Variants in ZNF804B observed in about 807,000 individuals in gnomAD.
The protein encoded by ZNF804B is zinc finger protein 804B, also known as zinc finger 804B.
In ZNF804B, 80 loss-of-function variants were observed where a neutral mutation model predicts 101.4. That is an observed-to-expected ratio of 0.79 (90% CI 0.66 to 0.95). The LOEUF (loss-of-function observed/expected upper bound fraction) is 0.95. Ranked by LOEUF, ZNF804B falls within the 40% of genes least tolerant of loss-of-function variation. The pLI is 0.00. For missense variants in ZNF804B, 1,673 were observed against 1,561.9 expected, an observed-to-expected ratio of 1.07 and a Z score of -1.20; for synonymous variants, 622 against 558.8, an observed-to-expected ratio of 1.11 and a Z score of -1.59.
At chr7:89,119,375 A>C (rs183487699) in intron 1 of ZNF804B, among the ~76,000 whole-genome samples, 50 of 152,286 alleles carry the variant, frequency 3.3e-4, no homozygotes, top group African/African-American at 1.2e-3. Context: ...TTCAAGATAA[A>C]AATGTTATTC....
chr7:88,813,279 T>G (rs979607158), intron 1 of ZNF804B, among the ~76,000 whole-genome samples: 49 of 151,606 alleles, frequency 3.2e-4, no homozygotes, highest in South Asian at 4.2e-4. Flanking sequence ...TACAAAAAAT[T>G]AGCCAGGCGT....
At chr7:89,112,722 TTAA>T (rs77889586) in intron 1 of ZNF804B, among the ~76,000 whole-genome samples, 39,757 of 151,982 alleles carry the variant, frequency 0.26, 5,571 homozygotes, top group Non-Finnish European at 0.32. Context: ...AATTGACATC[TTAA>T]TAATATTGAG....
intron 1 of ZNF804B, among the ~76,000 whole-genome samples, chr7:89,017,072 C>A (rs1231416757): frequency 1.3e-5 from 2 of 152,040 alleles, no homozygotes; most frequent in African/African-American, 4.8e-5. Context: ...AGTTAGATTC[C>A]TAGGTATTTT....
At chr7:89,044,514 A>G (rs1789072058) in intron 1 of ZNF804B, among the ~76,000 whole-genome samples, 1 of 152,166 alleles carries the variant, frequency 6.6e-6, no homozygotes. Flanking sequence ...TTACAAGAAG[A>G]TAAGAAAATA....
intron 1 of ZNF804B, among the ~76,000 whole-genome samples, chr7:89,199,413 C>T (rs533750370): frequency 6.6e-6 from 1 of 151,922 alleles, no homozygotes; most frequent in East Asian, 1.9e-4. Flanking sequence ...CTGTTAAAAT[C>T]TGAAAAAGAC....
intron 1 of ZNF804B, among the ~76,000 whole-genome samples, chr7:89,168,222 A>G (rs1279655971): frequency 6.6e-6 from 1 of 152,054 alleles, no homozygotes; most frequent in East Asian, 1.9e-4. Flanking sequence ...TTCAGTAGTA[A>G]CTCCTGTTAA....
rs540913592 is a variant in ZNF804B at position 88,763,741 on chromosome 7, T to C, written c.108+3657T>C. 2.1e-5 allele frequency among the ~76,000 whole-genome samples: 3 copies of C among 142,974 alleles called. No homozygotes were observed. The East Asian group carries it at 6.2e-4, about 30-fold the overall frequency. The allele number at this position is 142,974 out of a possible 152,430, so 93.8% of individuals were successfully genotyped here. On this transcript the variant is annotated intron_variant, in intron 1 of 3. Coordinates refer to ENST00000333190, the MANE Select transcript of ZNF804B (RefSeq NM_181646.5). ...AAAATCATTATGAGATACACATATA[T>C]ACATTATAGACAGAAAAATAGATAG...
At chr7:89,117,342 A>G (rs914722066) in intron 1 of ZNF804B, among the ~76,000 whole-genome samples, 3 of 152,250 alleles carry the variant, frequency 2.0e-5, no homozygotes, top group African/African-American at 7.2e-5. Context: ...AGAAAACTAT[A>G]GTAGCAACTG....
At chr7:88,842,961 CATA>C (rs756124698) in intron 1 of ZNF804B, among the ~76,000 whole-genome samples, 91 of 151,984 alleles carry the variant, frequency 6.0e-4, no homozygotes, top group Non-Finnish European at 5.7e-4. Context: ...GAAATATGTT[CATA>C]ATAATTTCTA....
chr7:89,021,333 AG>A (rs757618212), intron 1 of ZNF804B, among the ~76,000 whole-genome samples: 28 of 152,174 alleles, frequency 1.8e-4, no homozygotes, highest in Non-Finnish European at 3.7e-4. Context: ...TCTCAGGCCA[AG>A]GGTACAAACA....
chr7:88,969,740 A>T (rs1056645852), intron 1 of ZNF804B, among the ~76,000 whole-genome samples: 1 of 151,652 alleles, frequency 6.6e-6, no homozygotes, highest in African/African-American at 2.4e-5. Flanking sequence ...TGCTATATAC[A>T]TGATTGCTTA....
At chr7:89,103,075 T>TG (rs1562885499) in intron 1 of ZNF804B, among the ~76,000 whole-genome samples, 8 of 136,224 alleles carry the variant, frequency 5.9e-5, no homozygotes, top group African/African-American at 2.0e-4. Flanking sequence ...TTTTTTTTTT[T>TG]TTTTTTTTAC....
At position 89,291,937 on chromosome 7, in the gene ZNF804B, A is replaced by G. The variant is rs1790298064; in HGVS notation, c.250-35407A>G. On this transcript the variant is annotated intron_variant, in intron 2 of 3. Coordinates refer to ENST00000333190, the MANE Select transcript of ZNF804B (RefSeq NM_181646.5). ...GGAGTTCTAATATGATTGGCAGAAGACTTTTTAGGGAAACCTTACATGACG... is the reference window on the plus strand; with the variant it reads ...GGAGTTCTAATATGATTGGCAGAAGGCTTTTTAGGGAAACCTTACATGACG... Among the ~76,000 whole-genome samples, 3 of 152,184 alleles carry G rather than the reference A, an allele frequency of 2.0e-5. No individual in the cohort carries two copies. In the South Asian group the frequency reaches 6.2e-4, roughly 31 times the overall value.
intron 2 of ZNF804B, among the ~76,000 whole-genome samples, chr7:89,242,071 T>C (rs1789380534): frequency 6.6e-6 from 1 of 151,938 alleles, no homozygotes; most frequent in Admixed American, 6.6e-5. Context: ...GCCATAGCTT[T>C]TAATATTTAT....
chr7:89,317,319 T>G (rs1414088376), intron 2 of ZNF804B, among the ~76,000 whole-genome samples: 1 of 152,168 alleles, frequency 6.6e-6, no homozygotes, highest in Non-Finnish European at 1.5e-5. Flanking sequence ...GTGGAAAACA[T>G]GCACATGGTG....
intron 1 of ZNF804B, among the ~76,000 whole-genome samples, chr7:88,791,309 T>C (rs912879492): frequency 2.0e-5 from 3 of 152,132 alleles, no homozygotes; most frequent in African/African-American, 4.8e-5. Context: ...GGGGTAAATT[T>C]ATTTGAATAC....
At chr7:88,941,890 A>G (rs940268412) in intron 1 of ZNF804B, among the ~76,000 whole-genome samples, 5 of 151,898 alleles carry the variant, frequency 3.3e-5, no homozygotes, top group African/African-American at 1.2e-4. Context: ...ATTTAAGTAT[A>G]TATAAGGCAA....
At chr7:88,944,915 T>C (rs572078261) in intron 1 of ZNF804B, among the ~76,000 whole-genome samples, 38 of 151,888 alleles carry the variant, frequency 2.5e-4, no homozygotes, top group African/African-American at 7.9e-4. Flanking sequence ...GTGTAATGTA[T>C]ATATAAAACA....
chr7:89,298,216 G>GTGTGTA (rs1421058768), intron 2 of ZNF804B, among the ~76,000 whole-genome samples: 6 of 27,522 alleles, frequency 2.2e-4, no homozygotes, highest in African/African-American at 7.8e-4. Flanking sequence ...GTGTGTGTGT[G>GTGTGTA]TATATATATA....
Sources: gnomAD v4.1 joint callset for allele counts (sites outside exome capture counted in the v4.1 genomes callset) on GRCh38, gnomAD v4.1.1 for gene constraint, MANE v1.5 for transcripts, NCBI Gene and HGNC (gene_info 2026-07-23, HGNC 2026-07-21) for gene names.